JPH3: variants seen among roughly 807,000 people sequenced by gnomAD.
The protein encoded by JPH3 is junctophilin-3.
JPH3 carries 11 observed loss-of-function variants against 59.6 expected under a neutral mutation model. That is an observed-to-expected ratio of 0.18 (90% CI 0.12 to 0.31). The LOEUF (loss-of-function observed/expected upper bound fraction) is 0.31, where lower values mean the gene tolerates loss of function less well. Among genes scored for constraint, JPH3 ranks in the 10% least tolerant of loss-of-function variants. The probability of loss-of-function intolerance (pLI) is 1.00; values close to 1 mark genes in which losing one functional copy is unlikely to be tolerated. For synonymous variants in JPH3, 673 were observed against 483.6 expected (o/e 1.39, Z -5.14); for missense variants, 1,202 against 1,105.7 (o/e 1.09, Z -1.24).
At chr16:87,677,334 G>C (rs1274759778) in intron 2 of JPH3, among the ~76,000 whole-genome samples, 1 of 151,974 alleles carries the variant, frequency 6.6e-6, no homozygotes, top group African/African-American at 2.4e-5. Flanking sequence ...AGTGAGCCGT[G>C]ATCATGCCAC....
At chr16:87,666,755 A>G (rs1276829196) in intron 2 of JPH3, among the ~76,000 whole-genome samples, 1 of 152,170 alleles carries the variant, frequency 6.6e-6, no homozygotes, top group Admixed American at 6.5e-5. Context: ...AATGTCTAAT[A>G]TAAGAGAACC....
At chr16:87,620,809 T>C (rs1415232430) in intron 1 of JPH3, among the ~76,000 whole-genome samples, 2 of 152,234 alleles carry the variant, frequency 1.3e-5, no homozygotes, top group African/African-American at 2.4e-5. Flanking sequence ...CCTGCCCGCC[T>C]GCCTCAGTCT....
rs145408925 is a variant in JPH3, at chr16:87,607,042, G to A, written c.382+3514G>A. Reference sequence around the variant, plus strand: ...CAGAGCCTGGGCCTTTGCTAGGTACGTCGCTCTCTAAATGCCCCTGTGCAA... The same window carrying A: ...CAGAGCCTGGGCCTTTGCTAGGTACATCGCTCTCTAAATGCCCCTGTGCAA... On this transcript the variant is annotated intron_variant, in intron 1 of 4. Coordinates refer to ENST00000284262, the MANE Select transcript of JPH3 (RefSeq NM_020655.4). 2.1e-4 allele frequency among the ~76,000 whole-genome samples: 32 copies of A among 152,262 alleles called. No homozygotes were observed. In the East Asian group the frequency reaches 5.6e-3, roughly 27 times the overall value.
Position 87,690,098 on chromosome 16 carries a change from C to T in JPH3, c.1738C>T (p.Pro580Ser). The change falls in exon 4 of 5, where the codon CCC (proline) becomes TCC (serine). Residue 580 changes from proline to serine, a missense_variant. Physicochemically the swap from Pro to Ser is moderately conservative, Grantham distance 74. Transcript: ENST00000284262. ...GCGGGAGCGGCGGACGGAGTCACCC[C>T]CCGTGTTCACGTGGACTTCCCACCA... ...KPRERRTESP[P>S]VFTWTSHHRA... 3 of 1,574,368 alleles carry T rather than the reference C, an allele frequency of 1.9e-6. No homozygotes were observed. Among genetic ancestry groups the T allele is most frequent in the East Asian group, 2.4e-5 (1 of 41,754 alleles).
At chr16:87,668,287 T>C (rs180918654) in intron 2 of JPH3, among the ~76,000 whole-genome samples, 335 of 152,288 alleles carry the variant, frequency 2.2e-3, no homozygotes, top group Non-Finnish European at 3.7e-3. Flanking sequence ...TCTCTTGTTT[T>C]TCGTGGTCCA....
intron 2 of JPH3, among the ~76,000 whole-genome samples, chr16:87,680,516 G>A (rs1446906284): frequency 6.6e-6 from 1 of 152,234 alleles, no homozygotes; most frequent in African/African-American, 2.4e-5. Context: ...AAGAACGATC[G>A]CGACCTTTTC....
At chr16:87,653,143 C>T (rs1403177842) in intron 2 of JPH3, among the ~76,000 whole-genome samples, 1 of 152,212 alleles carries the variant, frequency 6.6e-6, no homozygotes, top group African/African-American at 2.4e-5. Flanking sequence ...CACACCCAGG[C>T]TGGGCTCAGG....
intron 1 of JPH3, among the ~76,000 whole-genome samples, chr16:87,622,601 G>A (rs1280773347): frequency 6.6e-6 from 1 of 152,170 alleles, no homozygotes; most frequent in East Asian, 1.9e-4. Flanking sequence ...GGCTGTGGCT[G>A]GGATGGAAGT....
At chr16:87,692,650 T>TC (rs2033627072) in intron 4 of JPH3, among the ~76,000 whole-genome samples, 2 of 152,152 alleles carry the variant, frequency 1.3e-5, no homozygotes, top group East Asian at 3.9e-4. Context: ...CCCTGGCAAT[T>TC]CAGGGTAAAG....
intron 4 of JPH3, chr16:87,695,081 G>C: frequency 2.9e-6 from 1 of 347,302 alleles, no homozygotes; most frequent in Non-Finnish European, 5.7e-6. Context: ...GAGTGGAACT[G>C]CTGGGTCCCC....
chr16:87,637,026 G>A (rs1027589418), intron 1 of JPH3, among the ~76,000 whole-genome samples: 1 of 152,204 alleles, frequency 6.6e-6, no homozygotes, highest in Non-Finnish European at 1.5e-5. Context: ...AGGCCCTGTC[G>A]GCCACGGGAG....
At chr16:87,637,032 G>C (rs1429272061) in intron 1 of JPH3, among the ~76,000 whole-genome samples, 2 of 152,224 alleles carry the variant, frequency 1.3e-5, no homozygotes, top group African/African-American at 4.8e-5. Context: ...TGTCGGCCAC[G>C]GGAGTTTGCT....
At chr16:87,645,588 C>T (rs1031978790) in intron 2 of JPH3, among the ~76,000 whole-genome samples, 131 of 152,284 alleles carry the variant, frequency 8.6e-4, no homozygotes, top group Non-Finnish European at 4.0e-4. Context: ...TGGGGGCAGC[C>T]GCTGTTCTGA....
At chr16:87,605,784 G>T (rs2030496729) in intron 1 of JPH3, among the ~76,000 whole-genome samples, 1 of 152,200 alleles carries the variant, frequency 6.6e-6, no homozygotes, top group South Asian at 2.1e-4. Flanking sequence ...TCCCCGATCT[G>T]TCTGGGACCA....
intron 2 of JPH3, among the ~76,000 whole-genome samples, chr16:87,655,524 T>G (rs563053127): frequency 8.6e-5 from 13 of 152,042 alleles, no homozygotes; most frequent in Admixed American, 2.0e-4. Context: ...CAGCTAACAT[T>G]TTTATGTCTT....
At chr16:87,696,477 C>G in intron 4 of JPH3, 103 bp from the exon 5 acceptor site, 1 of 936,894 alleles carries the variant, frequency 1.1e-6, no homozygotes, top group East Asian at 2.4e-5. Context: ...CTTCCACCCC[C>G]GAGGGTCTGC....
intron 1 of JPH3, among the ~76,000 whole-genome samples, chr16:87,616,188 TTTTG>T (rs1472850476): frequency 9.3e-6 from 1 of 107,626 alleles, no homozygotes; most frequent in African/African-American, 3.7e-5. Context: ...CGCAATCTGG[TTTTG>T]TGTGTGTGTG....
rs147275745 is a variant in JPH3 at position 87,632,866 on chromosome 16, C to T, written c.383-11392C>T. 5.4e-3 allele frequency among the ~76,000 whole-genome samples: 822 copies of T among 151,388 alleles called. 9 individuals carry two copies. The highest frequency in any genetic ancestry group is 0.023 in the Admixed American group (356 of 15,242). On this transcript the variant is annotated intron_variant, in intron 1 of 4. Coordinates refer to ENST00000284262, the MANE Select transcript of JPH3 (RefSeq NM_020655.4). ...TGAGATCATGCCACTGCACTCCAGCCTGCACGACAGAGCTGGACTCTGTCT... is the reference window on the plus strand; with the variant it reads ...TGAGATCATGCCACTGCACTCCAGCTTGCACGACAGAGCTGGACTCTGTCT...
chr16:87,637,717 C>T (rs2031803677), intron 1 of JPH3, among the ~76,000 whole-genome samples: 1 of 152,060 alleles, frequency 6.6e-6, no homozygotes, highest in Admixed American at 6.5e-5. Flanking sequence ...CATTCCGCCT[C>T]GTGGTGCCCT....
Sources: gnomAD v4.1 joint callset for allele counts (sites outside exome capture counted in the v4.1 genomes callset) on GRCh38, gnomAD v4.1.1 for gene constraint, MANE v1.5 for transcripts, NCBI Gene and HGNC (gene_info 2026-07-23, HGNC 2026-07-21) for gene names.